The following CAT variants were observed in gnomAD, a reference collection of about 807,000 sequenced individuals.
The protein encoded by CAT is catalase.
In CAT, 43 loss-of-function variants were observed where a neutral mutation model predicts 59.0. The observed-to-expected ratio is 0.73, with a 90% CI of 0.57 to 0.94. The LOEUF is 0.94. Among genes scored for constraint, CAT ranks in the 40% least tolerant of loss-of-function variants. The probability of loss-of-function intolerance (pLI) is 0.00; values close to 1 mark genes in which losing one functional copy is unlikely to be tolerated. For synonymous variants in CAT, 218 were observed against 230.9 expected, an observed-to-expected ratio of 0.94 and a Z score of 0.51; for missense variants, 664 against 682.9, an observed-to-expected ratio of 0.97 and a Z score of 0.31.
chr11:34,456,259 G>GA, intron 7 of CAT, 57 bp downstream of exon 7: 18 of 1,347,638 alleles, frequency 1.3e-5, no homozygotes, highest in East Asian at 2.4e-5. Flanking sequence ...TACCTAATTA[G>GA]AAAAAAAATC....
At chr11:34,453,569 C>T (rs1032461702) in intron 5 of CAT, among the ~76,000 whole-genome samples, 1 of 152,034 alleles carries the variant, frequency 6.6e-6, no homozygotes, top group African/African-American at 2.4e-5. Context: ...TTTGGCTTTC[C>T]TTCATAGAAT....
chr11:34,470,061 CT>C (rs1856758039), intron 11 of CAT, among the ~76,000 whole-genome samples: 1 of 152,118 alleles, frequency 6.6e-6, no homozygotes, highest in African/African-American at 2.4e-5. Flanking sequence ...CTAACAGTAG[CT>C]CCTGGAGCTA....
intron 10 of CAT, among the ~76,000 whole-genome samples, 170 bp downstream of exon 10, chr11:34,464,405 GGGTTAT>G (rs1856689867): frequency 6.6e-6 from 1 of 152,136 alleles, no homozygotes; most frequent in Admixed American, 6.6e-5. Flanking sequence ...TGGAGTTGAA[GGGTTAT>G]ATTACTCTGG....
chr11:34,445,670 C>A (rs1028188782), intron 1 of CAT, among the ~76,000 whole-genome samples: 1 of 151,840 alleles, frequency 6.6e-6, no homozygotes, highest in Admixed American at 6.6e-5. Flanking sequence ...GAGCTAGCAG[C>A]CAGGAAGATG....
intron 5 of CAT, 59 bp downstream of exon 5, chr11:34,453,253 C>T: frequency 2.0e-6 from 2 of 992,872 alleles, no homozygotes; most frequent in South Asian, 2.5e-5. Flanking sequence ...TTAATTATGC[C>T]TCTTCATAAA....
intron 1 of CAT, 126 bp downstream of exon 1, chr11:34,439,205 G>C (rs1590296108): frequency 1.1e-6 from 1 of 907,198 alleles, no homozygotes; most frequent in Admixed American, 2.0e-5. Context: ...CTGGGCAGGG[G>C]GGATCCCCTT....
intron 11 of CAT, among the ~76,000 whole-genome samples, chr11:34,469,609 C>T (rs772808684): frequency 3.3e-5 from 5 of 151,714 alleles, no homozygotes; most frequent in Non-Finnish European, 7.4e-5. Flanking sequence ...TCTTTTCATG[C>T]AGTAAATGCA....
Position 34,456,032 on chromosome 11 carries a change from C to G in CAT, c.733C>G (p.Leu245Val). ...GTAGACTGACCAGGGCATCAAAAAC[C>G]TTTCTGTTGAAGATGCGGCGAGACT... ...HYKTDQGIKN[L>V]SVEDAARLSQ... The change falls in exon 7 of 13, where the codon CTT (leucine) becomes GTT (valine). Residue 245 changes from leucine (L) to valine (V), a missense_variant. Leu to Val is a conservative substitution (Grantham distance 32). Coordinates refer to ENST00000241052, the MANE Select transcript of CAT (RefSeq NM_001752.4). The G allele has an allele frequency of 1.2e-6, 2 of 1,614,024 alleles. No individual in the cohort carries two copies. The highest frequency in any genetic ancestry group is 1.7e-6 in the Non-Finnish European group (2 of 1,180,014).
intron 1 of CAT, among the ~76,000 whole-genome samples, 192 bp from the exon 2 acceptor site, chr11:34,449,000 G>A (rs1271084044): frequency 1.3e-5 from 2 of 152,186 alleles, no homozygotes; most frequent in South Asian, 4.1e-4. Context: ...GTTGAGATTT[G>A]TCAAGGGTTT....
intron 6 of CAT, among the ~76,000 whole-genome samples, chr11:34,455,176 G>T (rs1237754061): frequency 3.9e-5 from 6 of 152,308 alleles, no homozygotes; most frequent in Non-Finnish European, 8.8e-5. Flanking sequence ...TAATCCTGAA[G>T]GTGGCTTTAC....
At chr11:34,468,152 C>CAAATTTA in intron 10 of CAT, 136 bp from the exon 11 acceptor site, 1 of 735,556 alleles carries the variant, frequency 1.4e-6, no homozygotes, top group Non-Finnish European at 2.4e-6. Flanking sequence ...GGACACAACC[C>CAAATTTA]AAATTTAAAA....
Position 34,464,211 on chromosome 11 carries a change from T to C in CAT, c.1302T>C (p.Thr434=). ...CTGGAGAAGTGCGGAGATTCAACAC[T>C]GCCAATGATGATAACGTTACTCAGG... ...QYSGEVRRFN[T]ANDDNVTQVR... is the part of the protein sequence containing the mutation. The change falls in exon 10 of 13, where the codon ACT becomes ACC. Residue 434 remains threonine, a synonymous_variant. Transcript: ENST00000241052. 6.2e-7 allele frequency: 1 copy of C among 1,614,108 alleles called. No homozygotes were observed. The highest frequency in any genetic ancestry group is 2.2e-5 in the East Asian group (1 of 44,888).
chr11:34,441,757 G>A (rs1387400843), intron 1 of CAT, among the ~76,000 whole-genome samples: 1 of 152,188 alleles, frequency 6.6e-6, no homozygotes, highest in Non-Finnish European at 1.5e-5. Context: ...TTACATGACT[G>A]CACTCTAGCC....
chr11:34,458,771 A>G (rs996204711), intron 8 of CAT, among the ~76,000 whole-genome samples: 1 of 152,242 alleles, frequency 6.6e-6, no homozygotes, highest in Non-Finnish European at 1.5e-5. Context: ...ACTGAGTCAT[A>G]TAATTTGAAG....
intron 1 of CAT, among the ~76,000 whole-genome samples, chr11:34,443,837 T>G (rs1201770247): frequency 6.6e-6 from 1 of 152,216 alleles, no homozygotes; most frequent in East Asian, 1.9e-4. Context: ...GATGTTACAC[T>G]GCTAACATTT....
At chr11:34,459,174 T>C (rs2035982548) in intron 8 of CAT, among the ~76,000 whole-genome samples, 2 of 152,192 alleles carry the variant, frequency 1.3e-5, no homozygotes, top group African/African-American at 2.4e-5. Context: ...AGGACTGTTG[T>C]ACTCATTTAG....
At chr11:34,463,833 T>A (rs574624941) in intron 9 of CAT, among the ~76,000 whole-genome samples, 1 of 152,328 alleles carries the variant, frequency 6.6e-6, no homozygotes, top group South Asian at 2.1e-4. Context: ...ATGAGACCCT[T>A]TGAAGTGTCA....
chr11:34,463,847 G>C (rs1856680903), intron 9 of CAT, among the ~76,000 whole-genome samples: 1 of 152,172 alleles, frequency 6.6e-6, no homozygotes. Flanking sequence ...AGTGTCAAAA[G>C]GGACTTTGAG....
intron 2 of CAT, 72 bp downstream of exon 2, chr11:34,449,435 A>AATCCT: frequency 7.4e-7 from 1 of 1,349,154 alleles, no homozygotes; most frequent in Non-Finnish European, 1.1e-6. Flanking sequence ...TTCCCAAAGG[A>AATCCT]TTGGAAGACC....
Sources: gnomAD v4.1 joint callset for allele counts (sites outside exome capture counted in the v4.1 genomes callset) on GRCh38, gnomAD v4.1.1 for gene constraint, MANE v1.5 for transcripts, NCBI Gene and HGNC (gene_info 2026-07-23, HGNC 2026-07-21) for gene names.